The following STX18 variants were observed in gnomAD, a reference collection of about 807,000 sequenced individuals.
The protein encoded by STX18 is syntaxin-18.
In STX18, 40 loss-of-function variants were observed where a neutral mutation model predicts 50.1. The ratio of observed to expected loss-of-function variants is 0.80; its 90% CI spans 0.62 to 1.04. STX18 has a LOEUF of 1.04. Among genes scored for constraint, STX18 ranks in the 50% least tolerant of loss-of-function variants. The pLI, the probability that STX18 is intolerant of heterozygous loss-of-function variation, is 0.00. For missense variants in STX18, 410 were observed against 415.8 expected, an observed-to-expected ratio of 0.99 and a Z score of 0.12; for synonymous variants, 158 against 151.8, an observed-to-expected ratio of 1.04 and a Z score of -0.30.
intron 5 of STX18, among the ~76,000 whole-genome samples, chr4:4,456,906 G>A (rs1727105892): frequency 6.6e-6 from 1 of 152,152 alleles, no homozygotes; most frequent in Non-Finnish European, 1.5e-5. Context: ...GCTACCTGTG[G>A]GACTGTGGGA....
intron 1 of STX18, among the ~76,000 whole-genome samples, chr4:4,541,091 C>T (rs918548416): frequency 1.3e-5 from 2 of 152,166 alleles, no homozygotes; most frequent in African/African-American, 4.8e-5. Context: ...GGAAAGACAG[C>T]CATTTGTTCA....
In STX18 at chr4:4,469,743, G is replaced by A. The variant is rs535769700; in HGVS notation, c.236+1896C>T. On this transcript the variant is annotated intron_variant, in intron 2 of 10. Transcript: ENST00000306200. ...TCATGATTCCCAGCTATTTTTGGTC[G>A]TCTGGCTTTTTTCTTCCCTTTAGTT... 1.9e-3 allele frequency among the ~76,000 whole-genome samples: 288 copies of A among 152,246 alleles called. 2 individuals carry two copies. Among genetic ancestry groups the A allele is most frequent in the Non-Finnish European group, 3.3e-3 (226 of 68,012 alleles).
chr4:4,508,044 CA>C (rs1729811101), intron 1 of STX18, among the ~76,000 whole-genome samples: 1 of 152,144 alleles, frequency 6.6e-6, no homozygotes. Flanking sequence ...TTTTTAACTT[CA>C]ACACTAGCTG....
intron 6 of STX18, 63 bp downstream of exon 6, chr4:4,438,331 T>C (rs1490559348): frequency 4.0e-6 from 5 of 1,262,670 alleles, no homozygotes; most frequent in Middle Eastern, 1.9e-4. Flanking sequence ...GTTCCTGTGC[T>C]GTACTCTTGC....
intron 2 of STX18, among the ~76,000 whole-genome samples, chr4:4,464,975 C>T (rs1365339108): frequency 6.6e-6 from 1 of 151,618 alleles, no homozygotes; most frequent in Admixed American, 6.6e-5. Context: ...CTTCTGCTAG[C>T]TTTGGGGTTT....
intron 1 of STX18, among the ~76,000 whole-genome samples, chr4:4,521,089 C>CT (rs1421357823): frequency 2.0e-5 from 3 of 152,132 alleles, no homozygotes; most frequent in Admixed American, 6.5e-5. Flanking sequence ...CCAACCCACT[C>CT]TACAGCTCTC....
At chr4:4,481,187 C>G (rs1339665627) in intron 1 of STX18, among the ~76,000 whole-genome samples, 11 of 152,232 alleles carry the variant, frequency 7.2e-5, no homozygotes, top group Non-Finnish European at 1.5e-4. Flanking sequence ...CAAAGAGCGA[C>G]CGCATTCTGA....
At position 4,419,957 on chromosome 4, in the gene STX18, C is replaced by T; in HGVS notation, c.*77G>A. The stretch of plus-strand genomic sequence containing the variant: ...GATAAAATCTGGTCATACCATGCTC[C>T]AGCACTGGAAGTACATGAAAGCACG... On this transcript the variant is annotated 3_prime_UTR_variant, in exon 11 of 11. Coordinates refer to ENST00000306200, the MANE Select transcript of STX18 (RefSeq NM_016930.4). 2 of 1,233,954 alleles carry T rather than the reference C, an allele frequency of 1.6e-6. No individual in the cohort carries two copies. The highest frequency in any genetic ancestry group is 2.3e-6 in the Non-Finnish European group (2 of 861,842). The allele number at this position is 1,233,954 out of a possible 1,614,324, so 76.4% of individuals were successfully genotyped here. A position where few individuals can be genotyped will look rare whatever the true frequency, so the allele number is the denominator to read the frequency against.
intron 1 of STX18, among the ~76,000 whole-genome samples, chr4:4,480,570 G>A (rs1281363874): frequency 6.6e-6 from 1 of 152,200 alleles, no homozygotes; most frequent in Non-Finnish European, 1.5e-5. Context: ...ATGTCTCCCT[G>A]ACATAAGCTG....
intron 1 of STX18, among the ~76,000 whole-genome samples, chr4:4,480,944 T>C (rs1728430108): frequency 6.6e-6 from 1 of 152,214 alleles, no homozygotes; most frequent in Non-Finnish European, 1.5e-5. Context: ...GCACTACAGA[T>C]GAGTTGAGTC....
intron 1 of STX18, among the ~76,000 whole-genome samples, chr4:4,486,301 A>C (rs1311435175): frequency 2.0e-5 from 3 of 152,216 alleles, no homozygotes; most frequent in African/African-American, 4.8e-5. Flanking sequence ...TATCAGACTT[A>C]GGGCATTTCA....
intron 1 of STX18, among the ~76,000 whole-genome samples, chr4:4,518,112 C>T (rs1200000983): frequency 1.3e-5 from 2 of 152,142 alleles, no homozygotes; most frequent in African/African-American, 2.4e-5. Flanking sequence ...ATAATGATCT[C>T]GCATGTGCTA....
chr4:4,460,489 G>T (rs547139279), intron 2 of STX18, among the ~76,000 whole-genome samples: 1 of 152,088 alleles, frequency 6.6e-6, no homozygotes, highest in East Asian at 1.9e-4. Context: ...CCTGAGGACA[G>T]GCCCTTCTAA....
chr4:4,439,702 G>A (rs1376834432), intron 5 of STX18, among the ~76,000 whole-genome samples: 1 of 151,498 alleles, frequency 6.6e-6, no homozygotes, highest in Non-Finnish European at 1.5e-5. Flanking sequence ...AGCTCTGAAA[G>A]CACAAGTCCT....
chr4:4,422,833 TAAGTC>T (rs1162029335), intron 9 of STX18, among the ~76,000 whole-genome samples: 3 of 152,212 alleles, frequency 2.0e-5, no homozygotes, highest in African/African-American at 4.8e-5. Flanking sequence ...TGAAGTATCT[TAAGTC>T]AAGTAGTCCA....
chr4:4,462,492 A>G (rs1214348974), intron 2 of STX18, among the ~76,000 whole-genome samples: 1 of 152,116 alleles, frequency 6.6e-6, no homozygotes, highest in East Asian at 1.9e-4. Flanking sequence ...GGACCAAAAC[A>G]GGGGGTGGAG....
chr4:4,489,225 A>G (rs1165784764), intron 1 of STX18, among the ~76,000 whole-genome samples: 4 of 152,014 alleles, frequency 2.6e-5, no homozygotes, highest in Non-Finnish European at 5.9e-5. Flanking sequence ...AATAATACAA[A>G]TGTCCAAATT....
At chr4:4,513,361 A>T (rs1730095358) in intron 1 of STX18, among the ~76,000 whole-genome samples, 1 of 152,200 alleles carries the variant, frequency 6.6e-6, no homozygotes, top group Non-Finnish European at 1.5e-5. Flanking sequence ...GCCTGATTAC[A>T]GCTTTATCCC....
rs369099999 is a variant in STX18, at chr4:4,423,523, G to T, written c.826C>A (p.Gln276Lys). The T allele has an allele frequency of 1.3e-5, 21 of 1,613,958 alleles. No individual in the cohort carries two copies. In the African/African-American group the frequency reaches 2.7e-4, roughly 21 times the overall value. The change falls in exon 9 of 11, where the codon CAA (glutamine) becomes AAA (lysine). Residue 276 changes from glutamine to lysine, a missense_variant. Transcript: ENST00000306200. ...LQEIFTEKVL[Q>K]QEAEIDSIHQ... ...CTTTGTTTTTGTTTTTTTACCTGTT[G>T]CAAAACCTTTTCCGTGAATATCTCT...
Sources: gnomAD v4.1 joint callset for allele counts (sites outside exome capture counted in the v4.1 genomes callset) on GRCh38, gnomAD v4.1.1 for gene constraint, MANE v1.5 for transcripts, NCBI Gene and HGNC (gene_info 2026-07-23, HGNC 2026-07-21) for gene names.